ATP5MJ: variants seen among roughly 807,000 people sequenced by gnomAD.
ATP5MJ encodes ATP synthase membrane subunit j, also known as ATP synthase F(0) complex subunit j, mitochondrial.
A neutral mutation model predicts 8.3 loss-of-function variants in ATP5MJ; 4 were observed. The ratio of observed to expected loss-of-function variants is 0.48; its 90% CI spans 0.24 to 1.11. ATP5MJ has a LOEUF of 1.11. ATP5MJ is among the 50% of genes least tolerant of loss of function. ATP5MJ has a pLI of 0.18. For missense variants in ATP5MJ, 66 were observed against 71.8 expected, an observed-to-expected ratio of 0.92 and a Z score of 0.29; for synonymous variants, 23 against 21.3, an observed-to-expected ratio of 1.08 and a Z score of -0.23.
chr14:103,914,849 A>G (rs867037414), intron 2 of ATP5MJ: 2 of 365,072 alleles, frequency 5.5e-6, no homozygotes, highest in Non-Finnish European at 9.1e-6. Flanking sequence ...AAAAAAAAAA[A>G]AAAAAAAAGA....
Position 103,917,669 on chromosome 14 carries a change from G to C in ATP5MJ, c.1-2480C>G, listed in dbSNP as rs143596959. Among the ~76,000 whole-genome samples, 1,180 of 152,304 alleles carry C rather than the reference G, an allele frequency of 7.7e-3. 14 individuals carry two copies. The highest frequency in any genetic ancestry group is 0.027 in the African/African-American group (1,136 of 41,552). Reference sequence around the variant, plus strand: ...GAACCAGGAACTAAGTTAGTGTCTTGAGTCAGGCAAGAATGGGGAGGCCAG... The same window carrying C: ...GAACCAGGAACTAAGTTAGTGTCTTCAGTCAGGCAAGAATGGGGAGGCCAG... On this transcript the variant is annotated intron_variant, in intron 1 of 3. Coordinates refer to ENST00000286953, the MANE Select transcript of ATP5MJ (RefSeq NM_004894.3).
intron 2 of ATP5MJ, 119 bp from the exon 3 acceptor site, chr14:103,914,103 C>A: frequency 2.3e-6 from 2 of 875,528 alleles, no homozygotes; most frequent in Non-Finnish European, 3.5e-6. Flanking sequence ...AGGAAGCTTT[C>A]AGAAAATGTC....
At chr14:103,914,935 C>A in intron 2 of ATP5MJ, 131 bp downstream of exon 2, 1 of 1,167,876 alleles carries the variant, frequency 8.6e-7, no homozygotes, top group Non-Finnish European at 1.2e-6. Context: ...GTATTTTTTA[C>A]GAAGGACTGT....
In ATP5MJ at chr14:103,916,766, C is replaced by T. The variant is rs1008546549; in HGVS notation, c.1-1577G>A. ...GTCTCAAAAAAGAAAGAAAGAACTG[C>T]GCGTTGGCTGCGGCTGTAATGCTGC... is the stretch of plus-strand genomic sequence containing the variant. On this transcript the variant is annotated intron_variant, in intron 1 of 3. Transcript: ENST00000286953. 4.6e-5 allele frequency among the ~76,000 whole-genome samples: 7 copies of T among 152,180 alleles called. No homozygotes were observed. In the East Asian group the frequency reaches 1.4e-3, roughly 29 times the overall value.
At position 103,919,112 on chromosome 14, in the gene ATP5MJ, G is replaced by A. The variant is rs973850016; in HGVS notation, c.-1+2358C>T. ...AAATCCAGAGAATGGACTGGGCACG[G>A]TGGCTTACGCCTATAATCCCAGCAT... On this transcript the variant is annotated intron_variant, in intron 1 of 3. Coordinates refer to ENST00000286953, the MANE Select transcript of ATP5MJ (RefSeq NM_004894.3). Among the ~76,000 whole-genome samples, 7 of 152,322 alleles carry A rather than the reference G, an allele frequency of 4.6e-5. No individual in the cohort carries two copies. The East Asian group carries it at 7.7e-4, about 17-fold the overall frequency.
At chr14:103,914,663 T>A (rs1375884176) in intron 2 of ATP5MJ, 25 of 570,414 alleles carry the variant, frequency 4.4e-5, no homozygotes, top group African/African-American at 1.9e-4. Context: ...AAAAAAAAAA[T>A]TAGCTAGGTG....
chr14:103,914,099 C>G, intron 2 of ATP5MJ, 115 bp from the exon 3 acceptor site: 1 of 959,194 alleles, frequency 1.0e-6, no homozygotes, highest in East Asian at 2.6e-5. Context: ...ATTCAGGAAG[C>G]TTTCAGAAAA....
At position 103,920,956 on chromosome 14, in the gene ATP5MJ, G is replaced by C. The variant is rs199621733; in HGVS notation, c.-1+514C>G. On this transcript the variant is annotated intron_variant, in intron 1 of 3. Coordinates refer to ENST00000286953, the MANE Select transcript of ATP5MJ (RefSeq NM_004894.3). ...AACTATTACCTGACACTGGAAATGG[G>C]AAATGTCTGACCCGCGAGTTCCATA... 717 of 1,551,536 alleles carry C rather than the reference G, an allele frequency of 4.6e-4. 4 individuals are homozygous for C. The highest frequency in any genetic ancestry group is 4.1e-3 in the South Asian group (347 of 84,060).
chr14:103,918,562 G>T (rs1008390089), intron 1 of ATP5MJ, among the ~76,000 whole-genome samples: 2 of 151,788 alleles, frequency 1.3e-5, no homozygotes, highest in Admixed American at 1.3e-4. Flanking sequence ...TGGTTTCACT[G>T]TGTTAGTCAG....
At chr14:103,914,543 T>C (rs2152107203) in intron 2 of ATP5MJ, 1 of 691,304 alleles carries the variant, frequency 1.4e-6, no homozygotes, top group African/African-American at 1.8e-5. Context: ...CTCACGCTTG[T>C]TAATTCCAGC....
intron 1 of ATP5MJ, chr14:103,920,955 G>T (rs1327001424): frequency 3.9e-5 from 61 of 1,551,316 alleles, no homozygotes; most frequent in Non-Finnish European, 5.0e-5. Context: ...ACTGGAAATG[G>T]GAAATGTCTG....
intron 1 of ATP5MJ, among the ~76,000 whole-genome samples, chr14:103,918,828 C>T (rs1299553244): frequency 2.6e-5 from 4 of 151,896 alleles, no homozygotes; most frequent in Non-Finnish European, 4.4e-5. Flanking sequence ...CAAGACCATC[C>T]TGGCTAACAC....
chr14:103,916,807 C>T (rs747802098), intron 1 of ATP5MJ, among the ~76,000 whole-genome samples: 7 of 152,156 alleles, frequency 4.6e-5, no homozygotes, highest in Non-Finnish European at 5.9e-5. Flanking sequence ...CCCCTCCCTC[C>T]CTCCACCCAC....
chr14:103,914,644 A>AG, intron 2 of ATP5MJ: 1 of 590,958 alleles, frequency 1.7e-6, no homozygotes, highest in East Asian at 2.8e-5. Flanking sequence ...CTACAAAAAA[A>AG]AAAAGTACAA....
Position 103,913,716 on chromosome 14 carries a change from TA to T in ATP5MJ, c.148+244del, listed in dbSNP as rs1595877103. 26 of 577,112 alleles carry T rather than the reference TA, an allele frequency of 4.5e-5. No individual in the cohort carries two copies. In the East Asian group the frequency reaches 7.5e-4, roughly 17 times the overall value. 35.7% of individuals were successfully genotyped at this position (577,112 alleles called of 1,614,324 possible). A position where few individuals can be genotyped will look rare whatever the true frequency, so the allele number is the denominator to read the frequency against. Reference sequence around the variant, plus strand: ...TATTGGTGATGATATCGACTACCTCTAATTAATCCATTCCTCTATTACTCCT... The same window carrying T: ...TATTGGTGATGATATCGACTACCTCTATTAATCCATTCCTCTATTACTCCT... On this transcript the variant is annotated intron_variant, in intron 3 of 3. Transcript: ENST00000286953.
chr14:103,918,360 T>G (rs1241850576), intron 1 of ATP5MJ, among the ~76,000 whole-genome samples: 1 of 109,428 alleles, frequency 9.1e-6, no homozygotes, highest in East Asian at 2.4e-4. Flanking sequence ...GTTTCAGAGG[T>G]TTTTTTTTTT....
At chr14:103,919,469 T>C (rs1327143113) in intron 1 of ATP5MJ, among the ~76,000 whole-genome samples, 1 of 150,718 alleles carries the variant, frequency 6.6e-6, no homozygotes, top group Non-Finnish European at 1.5e-5. Flanking sequence ...CTATAATTAA[T>C]ACTAAGCCAC....
chr14:103,913,282 T>C (rs1315071010), intron 3 of ATP5MJ: 1 of 152,306 alleles, frequency 6.6e-6, no homozygotes, highest in African/African-American at 2.4e-5. Flanking sequence ...ATTGTGCCAC[T>C]GCACTCCAGC....
At chr14:103,914,119 G>T in intron 2 of ATP5MJ, 135 bp from the exon 3 acceptor site, 1 of 761,052 alleles carries the variant, frequency 1.3e-6, no homozygotes, top group Non-Finnish European at 2.1e-6. Context: ...ATGTCTTATA[G>T]CCAAGAAATG....
Sources: allele counts gnomAD v4.1 joint callset (sites outside exome capture counted in the v4.1 genomes callset), GRCh38; gene constraint gnomAD v4.1.1; transcripts MANE v1.5; gene names NCBI Gene and HGNC (gene_info 2026-07-23, HGNC 2026-07-21).